Variants in ABCA1 observed in about 807,000 individuals in gnomAD.
The protein encoded by ABCA1 is ATP binding cassette subfamily A member 1, also known as phospholipid-transporting ATPase ABCA1.
Under a neutral mutation model 262.5 loss-of-function variants are expected in ABCA1, and 133 were observed. That is an observed-to-expected ratio of 0.51 (90% CI 0.44 to 0.59). The LOEUF (loss-of-function observed/expected upper bound fraction) is 0.59. Ranked by LOEUF, ABCA1 falls within the 20% of genes least tolerant of loss-of-function variation. ABCA1 has a pLI of 0.00. For missense variants in ABCA1, 2,452 were observed against 2,777.5 expected, an observed-to-expected ratio of 0.88 and a Z score of 2.63; for synonymous variants, 1,022 against 1,043.5, an observed-to-expected ratio of 0.98 and a Z score of 0.40.
At chr9:104,912,265 G>A (rs1350570667) in intron 1 of ABCA1, among the ~76,000 whole-genome samples, 3 of 152,126 alleles carry the variant, frequency 2.0e-5, no homozygotes, top group East Asian at 3.9e-4. Flanking sequence ...CGGGTGTGGC[G>A]GCTCATGCCT....
intron 17 of ABCA1, among the ~76,000 whole-genome samples, chr9:104,824,833 G>A (rs921525020): frequency 6.6e-5 from 10 of 152,330 alleles, no homozygotes; most frequent in African/African-American, 2.2e-4. Context: ...GAGGGATAAG[G>A]AGCCTATCCA....
rs548068173 is a variant in ABCA1 at position 104,828,813 on chromosome 9, T to G, written c.2115+103A>C. On this transcript the variant is annotated intron_variant, in intron 15 of 49. Transcript: ENST00000374736. Reference sequence around the variant, plus strand: ...GCAGGAAATGACAGGTATGACCCCTTCTCTACCAGAGGCTTGGATTTTTTT... The same window carrying G: ...GCAGGAAATGACAGGTATGACCCCTGCTCTACCAGAGGCTTGGATTTTTTT... 6 of 1,193,826 alleles carry G rather than the reference T, an allele frequency of 5.0e-6. No homozygotes were observed. The African/African-American group carries it at 9.1e-5, about 18-fold the overall frequency. The allele number at this position is 1,193,826 out of a possible 1,614,324, so 74.0% of individuals were successfully genotyped here.
chr9:104,900,159 C>T lies in ABCA1; in HGVS notation c.66+3455G>A, dbSNP rs894795521. Reference sequence around the variant, plus strand: ...AGCACTGCCTTTCAACAGGGTTGCTCTGGGGTATACCATTCAGCTCCAGGC... The same window carrying T: ...AGCACTGCCTTTCAACAGGGTTGCTTTGGGGTATACCATTCAGCTCCAGGC... On this transcript the variant is annotated intron_variant, in intron 2 of 49. Transcript: ENST00000374736. Among the ~76,000 whole-genome samples, 4 of 152,268 alleles carry T rather than the reference C, an allele frequency of 2.6e-5. No individual in the cohort carries two copies. The South Asian group carries it at 8.3e-4, about 32-fold the overall frequency.
chr9:104,905,934 C>T (rs921422006), intron 1 of ABCA1, among the ~76,000 whole-genome samples: 2 of 152,156 alleles, frequency 1.3e-5, no homozygotes, highest in Admixed American at 1.3e-4. Context: ...GCTTTATGCT[C>T]TCTAAGCATC....
At chr9:104,850,307 A>C (rs1835264472) in intron 7 of ABCA1, among the ~76,000 whole-genome samples, 1 of 152,166 alleles carries the variant, frequency 6.6e-6, no homozygotes, top group African/African-American at 2.4e-5. Context: ...TTTTCAGTAG[A>C]GGCAGTGTTT....
At chr9:104,839,130 T>G (rs576647151) in intron 9 of ABCA1, among the ~76,000 whole-genome samples, 2 of 152,224 alleles carry the variant, frequency 1.3e-5, no homozygotes, top group Non-Finnish European at 2.9e-5. Context: ...TGCCTAAAAC[T>G]GTGACATTGG....
intron 7 of ABCA1, among the ~76,000 whole-genome samples, chr9:104,849,056 G>T (rs115763221): frequency 0.048 from 7,283 of 152,154 alleles, 490 homozygotes; most frequent in African/African-American, 0.15. Flanking sequence ...TTGTATAAAA[G>T]GTCTTCTCCA....
rs1217971437 is a variant in ABCA1 at position 104,914,841 on chromosome 9, G to C, written c.-92-11070C>G. Among the ~76,000 whole-genome samples the C allele has an allele frequency of 2.0e-5, 3 of 152,298 alleles. No homozygotes were observed. The East Asian group carries it at 5.8e-4, about 29-fold the overall frequency. ...TGTGTTCTAAGAAACATAAGTTCAA[G>C]CAGGAGTGCATTTAATCTGATTTTT... On this transcript the variant is annotated intron_variant, in intron 1 of 49. Coordinates refer to ENST00000374736, the MANE Select transcript of ABCA1 (RefSeq NM_005502.4).
intron 3 of ABCA1, among the ~76,000 whole-genome samples, chr9:104,888,073 G>GTA (rs1839357166): frequency 6.6e-6 from 1 of 151,622 alleles, no homozygotes; most frequent in African/African-American, 2.4e-5. Context: ...GTGTGTGTGT[G>GTA]TGTGTGTGTG....
intron 5 of ABCA1, among the ~76,000 whole-genome samples, chr9:104,868,855 A>G (rs1358918479): frequency 6.6e-6 from 1 of 152,096 alleles, no homozygotes; most frequent in Non-Finnish European, 1.5e-5. Flanking sequence ...GGCCTCTGGG[A>G]CCAAGCTGAG....
intron 5 of ABCA1, 120 bp downstream of exon 5, chr9:104,882,919 G>A: frequency 1.9e-6 from 2 of 1,043,590 alleles, no homozygotes; most frequent in Non-Finnish European, 3.0e-6. Flanking sequence ...CAGCCACCAA[G>A]GAGAAAAACC....
At chr9:104,836,197 G>C (rs1588352798) in intron 11 of ABCA1, among the ~76,000 whole-genome samples, 1 of 152,156 alleles carries the variant, frequency 6.6e-6, no homozygotes, top group South Asian at 2.1e-4. Flanking sequence ...CTAAACTTCG[G>C]AAGTGTTCCC....
chr9:104,809,015 T>C (rs1157370942), intron 30 of ABCA1, among the ~76,000 whole-genome samples: 1 of 152,204 alleles, frequency 6.6e-6, no homozygotes, highest in Non-Finnish European at 1.5e-5. Flanking sequence ...AAATATACAA[T>C]TTGAGAAGAA....
Position 104,855,880 on chromosome 9 carries a change from G to A in ABCA1, c.720+2642C>T, listed in dbSNP as rs150357681. The A allele has an allele frequency of 2.3e-4, 373 of 1,612,764 alleles. 1 individual carries two copies. The African/African-American group carries it at 4.3e-3, about 18-fold the overall frequency. ...GGAGAAACTCACAATACCCTTGGCTGGAAACAGGGAAACACTCACGCACAC... is the reference window on the plus strand; with the variant it reads ...GGAGAAACTCACAATACCCTTGGCTAGAAACAGGGAAACACTCACGCACAC... On this transcript the variant is annotated intron_variant, in intron 7 of 49. Transcript: ENST00000374736.
rs2275544 is a variant in ABCA1 at position 104,888,931 on chromosome 9, T to C, written c.160+171A>G. Among the ~76,000 whole-genome samples the C allele has an allele frequency of 0.14, 21,136 of 152,254 alleles. 1,562 individuals carry two copies. Among genetic ancestry groups the C allele is most frequent in the Middle Eastern group, 0.22 (66 of 294 alleles). ...CACCATTCACTAGGACTGAAAACAGTCTCCTGAGTTCATGCCTTATCAACA... is the reference window on the plus strand; with the variant it reads ...CACCATTCACTAGGACTGAAAACAGCCTCCTGAGTTCATGCCTTATCAACA... On this transcript the variant is annotated intron_variant, in intron 3 of 49. Transcript: ENST00000374736.
In ABCA1 at chr9:104,785,446, T is replaced by C; in HGVS notation, c.6595A>G (p.Lys2199Glu). 6.2e-7 allele frequency: 1 copy of C among 1,609,972 alleles called. No individual in the cohort carries two copies. The highest frequency in any genetic ancestry group is 8.5e-7 in the Non-Finnish European group (1 of 1,178,090). The part of the protein sequence containing the change: ...RIFSILSQSK[K>E]RLHIEDYSVS... ...GAGTAGTCTTCTATGTGGAGTCGCT[T>C]TTTGCTCTGGGAGAGGATGCTGAAT... The change falls in exon 49 of 50, where the codon AAG becomes GAG. Residue 2199 changes from lysine (K) to glutamate (E), a missense_variant. By Grantham distance (56) the Lys-to-Glu change is moderately conservative. Coordinates refer to ENST00000374736, the MANE Select transcript of ABCA1 (RefSeq NM_005502.4).
intron 5 of ABCA1, among the ~76,000 whole-genome samples, chr9:104,862,935 C>T (rs1836767671): frequency 6.6e-6 from 1 of 151,230 alleles, no homozygotes; most frequent in Non-Finnish European, 1.5e-5. Context: ...ATACAAAGCT[C>T]CAAAACCCAG....
chr9:104,840,401 T>C lies in ABCA1; in HGVS notation c.932A>G (p.His311Arg). Residue 311 changes from histidine (H) to arginine (R), a missense_variant, in exon 9 of 50, where the codon CAT becomes CGT. Around this residue, in one of 4 missense-constraint regions of ABCA1, gnomAD observed 1,032 missense variants for 1,089.7 expected, o/e 0.95. Coordinates refer to ENST00000374736, the MANE Select transcript of ABCA1 (RefSeq NM_005502.4). ...GATCTTCAGCCCCCCTCCCTCGGGA[T>C]GCCCGCAGACAATACGAGACACAGC... ...YQAVSRIVCG[H>R]PEGGGLKIKS... 3 of 1,614,208 alleles carry C rather than the reference T, an allele frequency of 1.9e-6. No homozygotes were observed. The highest frequency in any genetic ancestry group is 1.3e-5 in the African/African-American group (1 of 75,058).
At chr9:104,925,851 A>G (rs1826280269) in intron 1 of ABCA1, among the ~76,000 whole-genome samples, 1 of 152,054 alleles carries the variant, frequency 6.6e-6, no homozygotes, top group African/African-American at 2.4e-5. Context: ...AGAGAATGAT[A>G]CTCTCAACAG....
Sources: gnomAD v4.1 joint callset for allele counts (sites outside exome capture counted in the v4.1 genomes callset) on GRCh38, gnomAD v4.1.1 for gene constraint, gnomAD v4.1.1 regional missense constraint, MANE v1.5 for transcripts, NCBI Gene and HGNC (gene_info 2026-07-23, HGNC 2026-07-21) for gene names.